The following MIGA1 variants were observed in gnomAD, a reference collection of about 807,000 sequenced individuals.
The protein encoded by MIGA1 is mitoguardin 1.
A neutral mutation model predicts 82.0 loss-of-function variants in MIGA1; 58 were observed. That is an observed-to-expected ratio of 0.71 (90% CI 0.57 to 0.88). MIGA1 has a LOEUF of 0.88. MIGA1 is among the 40% of genes least tolerant of loss of function. The pLI, the probability that MIGA1 is intolerant of heterozygous loss-of-function variation, is 0.00. For synonymous variants in MIGA1, 249 were observed against 253.6 expected (o/e 0.98, Z 0.17); for missense variants, 751 against 749.1 (o/e 1.00, Z -0.03).
Position 77,874,947 on chromosome 1 carries a change from CCG to C in MIGA1, c.1784_1785del (p.Arg595HisfsTer2). The C allele has an allele frequency of 1.9e-6, 3 of 1,614,110 alleles. No individual in the cohort carries two copies. The highest frequency in any genetic ancestry group is 2.5e-6 in the Non-Finnish European group (3 of 1,179,982). Reference sequence around the variant, plus strand: ...AAGACCTCATGCAGTTACTCATTCGCCGCACTGAGCTTTTAATGGCCTATCTT... The same window carrying C: ...AAGACCTCATGCAGTTACTCATTCGCCACTGAGCTTTTAATGGCCTATCTT... On this transcript the variant is annotated frameshift_variant, in exon 16 of 16. Transcript: ENST00000370791. LOFTEE classifies it high-confidence loss of function.
intron 7 of MIGA1, among the ~76,000 whole-genome samples, chr1:77,823,590 G>A (rs1683911924): frequency 6.6e-6 from 1 of 152,052 alleles, no homozygotes; most frequent in Admixed American, 6.6e-5. Context: ...TTAGAGACAG[G>A]GTCTTGCTTT....
intron 14 of MIGA1, among the ~76,000 whole-genome samples, chr1:77,869,889 A>G (rs1434364242): frequency 9.0e-6 from 1 of 111,680 alleles, no homozygotes; most frequent in South Asian, 3.1e-4. Context: ...TCCCTCCCGG[A>G]CGGGGCGGCT....
At chr1:77,858,782 C>T (rs1685358388) in intron 8 of MIGA1, among the ~76,000 whole-genome samples, 156 bp from the exon 9 acceptor site, 1 of 152,110 alleles carries the variant, frequency 6.6e-6, no homozygotes, top group African/African-American at 2.4e-5. Context: ...CCACACCTGA[C>T]TAATTTTTTT....
At chr1:77,846,931 C>G (rs1029511603) in intron 8 of MIGA1, among the ~76,000 whole-genome samples, 1 of 151,864 alleles carries the variant, frequency 6.6e-6, no homozygotes, top group Non-Finnish European at 1.5e-5. Context: ...TGGGCAACAG[C>G]GAGACTGTCT....
At chr1:77,852,598 C>T (rs1685094956) in intron 8 of MIGA1, among the ~76,000 whole-genome samples, 1 of 152,090 alleles carries the variant, frequency 6.6e-6, no homozygotes, top group Non-Finnish European at 1.5e-5. Flanking sequence ...AATAATGTGC[C>T]TGGGTTTAAA....
intron 7 of MIGA1, among the ~76,000 whole-genome samples, chr1:77,842,188 A>AT (rs1444853633): frequency 6.6e-6 from 1 of 152,184 alleles, no homozygotes; most frequent in Non-Finnish European, 1.5e-5. Context: ...CATACTTATG[A>AT]TACATTTTGA....
intron 7 of MIGA1, among the ~76,000 whole-genome samples, chr1:77,817,161 T>TCAA (rs1420055711): frequency 6.6e-6 from 1 of 152,200 alleles, no homozygotes; most frequent in East Asian, 1.9e-4. Flanking sequence ...TCTGTAGAGG[T>TCAA]TGACTGGGTC....
intron 7 of MIGA1, among the ~76,000 whole-genome samples, chr1:77,815,729 A>G (rs1683547780): frequency 6.6e-6 from 1 of 152,124 alleles, no homozygotes; most frequent in Admixed American, 6.5e-5. Flanking sequence ...CTTTTTAAAA[A>G]GTTTTTTATT....
intron 7 of MIGA1, among the ~76,000 whole-genome samples, chr1:77,818,729 C>A (rs533175873): frequency 3.3e-5 from 5 of 151,856 alleles, no homozygotes; most frequent in African/African-American, 1.2e-4. Flanking sequence ...CTGTATAGTT[C>A]GAGACCAGCC....
At chr1:77,798,349 G>A (rs1444739833) in intron 2 of MIGA1, among the ~76,000 whole-genome samples, 1 of 152,120 alleles carries the variant, frequency 6.6e-6, no homozygotes. Flanking sequence ...ACATACCTGA[G>A]ACTGGATAAT....
rs1179716791 is a variant in MIGA1, at chr1:77,878,435, G to C, written c.*3371G>C. ...AAAAAAAAAAAAGACATATGTAACG[G>C]TTTCCATTTGCCTTAAAATTGGGTT... On this transcript the variant is annotated 3_prime_UTR_variant, in exon 16 of 16. Coordinates refer to ENST00000370791, the MANE Select transcript of MIGA1 (RefSeq NM_198549.4). 1 of 139,298 alleles carries C rather than the reference G, an allele frequency of 7.2e-6. No homozygotes were observed. Among genetic ancestry groups the C allele is most frequent in the African/African-American group, 2.6e-5 (1 of 38,468 alleles). The allele number at this position is 139,298 out of a possible 1,614,324, so 8.6% of individuals were successfully genotyped here. A position where few individuals can be genotyped will look rare whatever the true frequency, so the allele number is the denominator to read the frequency against.
chr1:77,871,071 C>A (rs1408931867), intron 14 of MIGA1, among the ~76,000 whole-genome samples: 5 of 106,182 alleles, frequency 4.7e-5, no homozygotes, highest in Non-Finnish European at 8.9e-5. Flanking sequence ...CAGAGGGAGA[C>A]CGTGGAAGGA....
At chr1:77,833,108 G>A (rs1322251023) in intron 7 of MIGA1, among the ~76,000 whole-genome samples, 1 of 152,160 alleles carries the variant, frequency 6.6e-6, no homozygotes, top group Non-Finnish European at 1.5e-5. Context: ...AAATACCTCA[G>A]CCTAACATCT....
intron 7 of MIGA1, among the ~76,000 whole-genome samples, chr1:77,819,836 C>T (rs1170129138): frequency 6.6e-6 from 1 of 152,176 alleles, no homozygotes; most frequent in East Asian, 1.9e-4. Flanking sequence ...CCCAACTCGG[C>T]CTTCCATACT....
intron 7 of MIGA1, among the ~76,000 whole-genome samples, chr1:77,820,483 T>G (rs191071071): frequency 2.0e-5 from 3 of 152,298 alleles, no homozygotes; most frequent in African/African-American, 7.2e-5. Context: ...AGAGTACCAA[T>G]TTTATAAACT....
At chr1:77,782,158 G>A (rs140790067) in intron 1 of MIGA1, among the ~76,000 whole-genome samples, 5 of 152,220 alleles carry the variant, frequency 3.3e-5, no homozygotes, top group Non-Finnish European at 5.9e-5. Context: ...AACTTTTATA[G>A]AGGGATTGCT....
intron 2 of MIGA1, among the ~76,000 whole-genome samples, chr1:77,795,847 C>A (rs1365927795): frequency 1.3e-5 from 2 of 150,528 alleles, no homozygotes; most frequent in African/African-American, 4.9e-5. Flanking sequence ...TTGGCCAGGC[C>A]AGTCTGGAAC....
At position 77,806,864 on chromosome 1, in the gene MIGA1, T is replaced by C. The variant is rs915335340; in HGVS notation, c.511-111T>C. 1.5e-5 allele frequency: 10 copies of C among 663,756 alleles called. No homozygotes were observed. The South Asian group carries it at 1.5e-4, about 10-fold the overall frequency. The allele number at this position is 663,756 out of a possible 1,614,324, so 41.1% of individuals were successfully genotyped here. ...ATTATTTCTTCATGTGGAAATTACATGGATTGTCTTACCACTAATAGGATT... is the reference window on the plus strand; with the variant it reads ...ATTATTTCTTCATGTGGAAATTACACGGATTGTCTTACCACTAATAGGATT... On this transcript the variant is annotated intron_variant, in intron 4 of 15. Coordinates refer to ENST00000370791, the MANE Select transcript of MIGA1 (RefSeq NM_198549.4).
At chr1:77,857,517 C>T (rs1208670074) in intron 8 of MIGA1, among the ~76,000 whole-genome samples, 5 of 151,802 alleles carry the variant, frequency 3.3e-5, no homozygotes, top group Non-Finnish European at 7.4e-5. Context: ...ACCTGGCCCC[C>T]CCTAATTTTT....
Sources: gnomAD v4.1 joint callset for allele counts (sites outside exome capture counted in the v4.1 genomes callset) on GRCh38, gnomAD v4.1.1 for gene constraint, MANE v1.5 for transcripts, NCBI Gene and HGNC (gene_info 2026-07-23, HGNC 2026-07-21) for gene names.